Variants in CTNNA3 observed in about 807,000 individuals in gnomAD.
CTNNA3 encodes catenin alpha 3, also known as catenin alpha-3.
CTNNA3 carries 76 observed loss-of-function variants against 95.7 expected under a neutral mutation model. The ratio of observed to expected loss-of-function variants is 0.79; its 90% CI spans 0.66 to 0.96. The LOEUF (loss-of-function observed/expected upper bound fraction) is 0.96, where lower values mean the gene tolerates loss of function less well. Ranked by LOEUF, CTNNA3 falls within the 40% of genes least tolerant of loss-of-function variation. The pLI, the probability that CTNNA3 is intolerant of heterozygous loss-of-function variation, is 0.00. For missense variants in CTNNA3, 1,191 were observed against 1,089.8 expected, an observed-to-expected ratio of 1.09 and a Z score of -1.31; for synonymous variants, 431 against 374.4, an observed-to-expected ratio of 1.15 and a Z score of -1.74.
intron 3 of CTNNA3, among the ~76,000 whole-genome samples, chr10:67,595,320 T>A (rs537295098): frequency 6.6e-6 from 1 of 152,220 alleles, no homozygotes. Flanking sequence ...TCCCAGAGAT[T>A]CTGGTACATT....
At chr10:66,493,511 G>A (rs928466459) in intron 11 of CTNNA3, among the ~76,000 whole-genome samples, 1 of 151,536 alleles carries the variant, frequency 6.6e-6, no homozygotes. Context: ...TTCTTTGGGA[G>A]TCTGTTTGTG....
chr10:67,252,687 C>T (rs7087793), intron 5 of CTNNA3, among the ~76,000 whole-genome samples: 33,351 of 152,064 alleles, frequency 0.22, 6,575 homozygotes, highest in African/African-American at 0.53. Context: ...CTACTATTGC[C>T]GTGTATTCCT....
At chr10:66,960,818 G>A (rs962661761) in intron 7 of CTNNA3, among the ~76,000 whole-genome samples, 1 of 152,108 alleles carries the variant, frequency 6.6e-6, no homozygotes, top group Non-Finnish European at 1.5e-5. Context: ...GAAAAGGGGG[G>A]ATGGTAGGGT....
chr10:66,325,088 A>C (rs2092238477), intron 12 of CTNNA3, among the ~76,000 whole-genome samples: 1 of 151,894 alleles, frequency 6.6e-6, no homozygotes, highest in African/African-American at 2.4e-5. Context: ...AGAAATCACC[A>C]CAGAAATCCC....
At chr10:66,483,929 T>C (rs189828833) in intron 11 of CTNNA3, among the ~76,000 whole-genome samples, 11 of 152,242 alleles carry the variant, frequency 7.2e-5, no homozygotes, top group African/African-American at 2.6e-4. Flanking sequence ...TATTAAAGAC[T>C]ACTCTAATTT....
At chr10:65,996,296 C>T (rs576054630) in intron 15 of CTNNA3, among the ~76,000 whole-genome samples, 14 of 152,264 alleles carry the variant, frequency 9.2e-5, no homozygotes, top group African/African-American at 3.4e-4. Context: ...GGAGCACATG[C>T]TTTGGCTCCC....
chr10:67,366,414 C>T (rs1001598752), intron 5 of CTNNA3, among the ~76,000 whole-genome samples: 3 of 150,878 alleles, frequency 2.0e-5, no homozygotes, highest in Non-Finnish European at 3.0e-5. Flanking sequence ...AAAATAGACA[C>T]ATAGTCACCT....
intron 11 of CTNNA3, among the ~76,000 whole-genome samples, chr10:66,451,046 T>A (rs925275317): frequency 6.6e-6 from 1 of 152,086 alleles, no homozygotes; most frequent in African/African-American, 2.4e-5. Flanking sequence ...TTGAGTGGAT[T>A]CAATAGCACG....
At chr10:66,261,863 C>T (rs1350827546) in intron 13 of CTNNA3, among the ~76,000 whole-genome samples, 1 of 151,898 alleles carries the variant, frequency 6.6e-6, no homozygotes, top group Non-Finnish European at 1.5e-5. Context: ...CCTATGACTT[C>T]CCCCTGTACT....
intron 7 of CTNNA3, among the ~76,000 whole-genome samples, chr10:66,952,821 A>G (rs1214042402): frequency 2.0e-5 from 3 of 151,920 alleles, no homozygotes; most frequent in Admixed American, 6.6e-5. Context: ...CTTGTAATTT[A>G]TTATATAATT....
At chr10:67,321,129 T>C (rs560473678) in intron 5 of CTNNA3, among the ~76,000 whole-genome samples, 2 of 152,324 alleles carry the variant, frequency 1.3e-5, no homozygotes, top group Non-Finnish European at 2.9e-5. Context: ...GATCTTATCA[T>C]GATATTGTTA....
chr10:67,521,994 T>C, intron 4 of CTNNA3, 33 bp from the exon 5 acceptor site: 1 of 1,587,402 alleles, frequency 6.3e-7, no homozygotes, highest in Non-Finnish European at 8.6e-7. Flanking sequence ...ATCATTAGGA[T>C]AGCAGCAGAT....
At chr10:66,835,277 A>T (rs1466156524) in intron 7 of CTNNA3, among the ~76,000 whole-genome samples, 1 of 152,212 alleles carries the variant, frequency 6.6e-6, no homozygotes, top group Non-Finnish European at 1.5e-5. Context: ...ACCAAAGCAG[A>T]TAATTCAAAA....
chr10:66,233,777 A>G (rs1599667), intron 13 of CTNNA3, among the ~76,000 whole-genome samples: 49,873 of 152,072 alleles, frequency 0.33, 8,963 homozygotes, highest in East Asian at 0.43. Flanking sequence ...AATATGTTAT[A>G]CTTGATGATG....
chr10:66,838,733 A>C (rs1842958237), intron 7 of CTNNA3, among the ~76,000 whole-genome samples: 1 of 152,190 alleles, frequency 6.6e-6, no homozygotes, highest in Non-Finnish European at 1.5e-5. Context: ...CATAGAACCT[A>C]CTTAATACAT....
chr10:67,580,002 G>T (rs1197019367), intron 3 of CTNNA3, among the ~76,000 whole-genome samples: 1 of 152,138 alleles, frequency 6.6e-6, no homozygotes, highest in Non-Finnish European at 1.5e-5. Flanking sequence ...CATTCTGTAG[G>T]TTGCCTGTTC....
Position 66,360,709 on chromosome 10 carries a change from C to CTTCCT in CTNNA3, c.1732+18442_1732+18443insAGGAA, listed in dbSNP as rs1564896621. On this transcript the variant is annotated intron_variant, in intron 12 of 17. Transcript: ENST00000433211. ...TTCCTTCCTTTTCTTTCTTTCTTTC[C>CTTCCT]TCCTTCCTTTCTTCCTTTCTTTCTT... 2.9e-4 allele frequency among the ~76,000 whole-genome samples: 11 copies of CTTCCT among 37,990 alleles called. 2 individuals carry two copies. The highest frequency in any genetic ancestry group is 2.3e-3 in the Admixed American group (6 of 2,610). The allele number at this position is 37,990 out of a possible 152,430, so 24.9% of individuals were successfully genotyped here. A position where few individuals can be genotyped will look rare whatever the true frequency, so the allele number is the denominator to read the frequency against.
At chr10:65,940,449 T>C (rs769366074) in intron 17 of CTNNA3, among the ~76,000 whole-genome samples, 1 of 152,198 alleles carries the variant, frequency 6.6e-6, no homozygotes, top group African/African-American at 2.4e-5. Context: ...TTTATATTAA[T>C]GGCCACTATT....
At chr10:67,288,131 T>A (rs1160930392) in intron 5 of CTNNA3, among the ~76,000 whole-genome samples, 7 of 152,082 alleles carry the variant, frequency 4.6e-5, no homozygotes, top group Admixed American at 4.6e-4. Flanking sequence ...CTGTAAAATT[T>A]TTTCCCTGGT....
Sources: allele counts gnomAD v4.1 joint callset (sites outside exome capture counted in the v4.1 genomes callset), GRCh38; gene constraint gnomAD v4.1.1; transcripts MANE v1.5; gene names NCBI Gene and HGNC (gene_info 2026-07-23, HGNC 2026-07-21).